The following PCDHA3 variants were observed in gnomAD, a reference collection of about 807,000 sequenced individuals.
PCDHA3 encodes protocadherin alpha 3.
In PCDHA3, 41 loss-of-function variants were observed where a neutral mutation model predicts 62.2. The ratio of observed to expected loss-of-function variants is 0.66; its 90% confidence interval spans 0.51 to 0.86. PCDHA3 has a LOEUF of 0.86. Among genes scored for constraint, PCDHA3 ranks in the 40% least tolerant of loss-of-function variants. PCDHA3 has a pLI of 0.00. For missense variants in PCDHA3, 1,304 were observed against 1,241.2 expected, an observed-to-expected ratio of 1.05 and a Z score of -0.76; for synonymous variants, 640 against 555.4, an observed-to-expected ratio of 1.15 and a Z score of -2.14.
At chr5:140,851,193 G>GT in intron 1 of PCDHA3, 4 of 1,214,324 alleles carry the variant, frequency 3.3e-6, no homozygotes, top group Non-Finnish European at 4.2e-6. Context: ...CAATTTAGTT[G>GT]TTAGTCATTC....
At chr5:140,805,039 C>A (rs370971814) in intron 1 of PCDHA3, 914 of 1,586,242 alleles carry the variant, frequency 5.8e-4, no homozygotes, top group Non-Finnish European at 7.5e-4. Flanking sequence ...ATAGAGTCAG[C>A]CAAAGTACTT....
chr5:140,963,766 A>G (rs574963836), intron 1 of PCDHA3, among the ~76,000 whole-genome samples: 1 of 152,372 alleles, frequency 6.6e-6, no homozygotes, highest in South Asian at 2.1e-4. Flanking sequence ...GTTGTATTTC[A>G]TGACGACAGC....
Position 140,801,463 on chromosome 5 carries a change from G to C in PCDHA3, c.266G>C (p.Arg89Pro). The stretch of plus-strand genomic sequence containing the variant: ...AATGGCATTTTGTTTGTGAATTCTC[G>C]GATAGACCGCGAGGAACTGTGCGGG... ...LQNGILFVNS[R>P]IDREELCGRS... The change falls in exon 1 of 4, where the codon CGG becomes CCG. Residue 89 changes from arginine to proline, a missense_variant. Coordinates refer to ENST00000522353, the MANE Select transcript of PCDHA3 (RefSeq NM_018906.3). 1 of 1,614,044 alleles carries C rather than the reference G, an allele frequency of 6.2e-7. No homozygotes were observed. Among genetic ancestry groups the C allele is most frequent in the Non-Finnish European group, 8.5e-7 (1 of 1,180,050 alleles).
intron 1 of PCDHA3, among the ~76,000 whole-genome samples, chr5:140,915,458 G>A (rs1172885235): frequency 6.6e-6 from 1 of 152,126 alleles, no homozygotes; most frequent in Non-Finnish European, 1.5e-5. Context: ...TTTCCAGAAG[G>A]TTTTTATTTG....
At chr5:140,826,294 A>G (rs1305624310) in intron 1 of PCDHA3, among the ~76,000 whole-genome samples, 1 of 152,114 alleles carries the variant, frequency 6.6e-6, no homozygotes, top group African/African-American at 2.4e-5. Context: ...TGTCTTTTTT[A>G]TAGGAACCTC....
intron 1 of PCDHA3, chr5:140,870,699 C>T (rs1160091003): frequency 6.2e-7 from 1 of 1,613,004 alleles, no homozygotes. Flanking sequence ...TGCTACAGTT[C>T]CAGGTGAGCG....
chr5:140,813,152 C>T (rs1337802214), intron 1 of PCDHA3: 1 of 152,080 alleles, frequency 6.6e-6, no homozygotes, highest in Non-Finnish European at 1.5e-5. Flanking sequence ...TCTGTTAGTT[C>T]CATTTCAGCT....
intron 1 of PCDHA3, chr5:140,811,769 CAT>C (rs1764957001): frequency 6.6e-6 from 1 of 152,180 alleles, no homozygotes; most frequent in South Asian, 2.1e-4. Context: ...GGCATTTTTT[CAT>C]GTGTCTGTTG....
At chr5:140,966,756 G>A (rs1476318654) in intron 1 of PCDHA3, 9 of 1,437,232 alleles carry the variant, frequency 6.3e-6, no homozygotes, top group Non-Finnish European at 8.2e-6. Flanking sequence ...CCTCCGCCGC[G>A]GCCAGTGGCT....
intron 1 of PCDHA3, chr5:140,824,610 GTTTTTTTT>G (rs782443702): frequency 1.1e-5 from 1 of 95,104 alleles, no homozygotes; most frequent in Non-Finnish European, 1.9e-5. Flanking sequence ...GCTAATTAAA[GTTTTTTTT>G]TTTTTTTTTT....
chr5:141,003,308 A>C (rs2098118679), intron 3 of PCDHA3, among the ~76,000 whole-genome samples: 1 of 152,200 alleles, frequency 6.6e-6, no homozygotes, highest in Non-Finnish European at 1.5e-5. Context: ...TGAAGTGGCC[A>C]GCTACTTCCA....
intron 1 of PCDHA3, chr5:140,876,005 T>C: frequency 6.2e-7 from 1 of 1,613,854 alleles, no homozygotes; most frequent in African/African-American, 1.3e-5. Context: ...AATGAGAATT[T>C]TGAGCTTAAA....
At position 140,835,539 on chromosome 5, in the gene PCDHA3, A is replaced by C; in HGVS notation, c.2394+31948A>C. 3 of 1,613,960 alleles carry C rather than the reference A, an allele frequency of 1.9e-6. No individual in the cohort carries two copies. The East Asian group carries it at 6.7e-5, about 36-fold the overall frequency. On this transcript the variant is annotated intron_variant, in intron 1 of 3. Coordinates refer to ENST00000522353, the MANE Select transcript of PCDHA3 (RefSeq NM_018906.3). ...AGATTTTGGAGTCAACGGACAGGTT[A>C]CCTGCTCCCTGACGCCCCGCGTTCC... is the stretch of plus-strand genomic sequence containing the variant.
At chr5:140,937,789 G>A (rs1413517840) in intron 1 of PCDHA3, among the ~76,000 whole-genome samples, 1 of 151,816 alleles carries the variant, frequency 6.6e-6, no homozygotes, top group Non-Finnish European at 1.5e-5. Flanking sequence ...GCGGGCGTAT[G>A]TAGTCCCAGC....
chr5:140,904,589 G>A (rs1562945664), intron 1 of PCDHA3, among the ~76,000 whole-genome samples: 1 of 151,976 alleles, frequency 6.6e-6, no homozygotes, highest in Non-Finnish European at 1.5e-5. Flanking sequence ...CCAGTAGTGG[G>A]ACTGCTGGAT....
intron 3 of PCDHA3, among the ~76,000 whole-genome samples, chr5:140,983,854 T>A (rs1554245766): frequency 6.6e-6 from 1 of 152,206 alleles, no homozygotes; most frequent in Non-Finnish European, 1.5e-5. Flanking sequence ...TTAAGTAACA[T>A]GCAGCTAAGG....
chr5:140,835,878 G>T lies in PCDHA3; in HGVS notation c.2394+32287G>T, dbSNP rs138465402. On this transcript the variant is annotated intron_variant, in intron 1 of 3. Coordinates refer to ENST00000522353, the MANE Select transcript of PCDHA3 (RefSeq NM_018906.3). ...GTCCTACTCGCTGGTGGAGCTGCGG[G>T]TGGGCGAGCGCGCGCTGTCGAGCTA... The T allele has an allele frequency of 1.4e-4, 227 of 1,611,876 alleles. 3 individuals carry two copies. The highest frequency in any genetic ancestry group is 3.7e-4 in the Admixed American group (22 of 59,972).
intron 1 of PCDHA3, chr5:140,871,015 G>A (rs1554164977): frequency 1.9e-6 from 3 of 1,613,126 alleles, no homozygotes; most frequent in East Asian, 2.2e-5. Flanking sequence ...TGCCCTGGAC[G>A]AGGCAGACTC....
chr5:140,850,555 C>T (rs1562471328), intron 1 of PCDHA3: 2 of 1,598,250 alleles, frequency 1.3e-6, no homozygotes, highest in South Asian at 1.1e-5. Context: ...GTGGGTGCCA[C>T]GGGCCCCGAG....
Sources: gnomAD v4.1 joint callset for allele counts (sites outside exome capture counted in the v4.1 genomes callset) on GRCh38, gnomAD v4.1.1 for gene constraint, MANE v1.5 for transcripts, NCBI Gene and HGNC (gene_info 2026-07-23, HGNC 2026-07-21) for gene names.